GRID1: variants seen among roughly 807,000 people sequenced by gnomAD.
GRID1 encodes glutamate ionotropic receptor delta type subunit 1, also known as glutamate receptor ionotropic, delta-1.
GRID1 carries 28 observed loss-of-function variants against 98.0 expected under a neutral mutation model. The observed-to-expected ratio is 0.29, with a 90% confidence interval of 0.21 to 0.39. The LOEUF is 0.39. GRID1 is among the 10% of genes least tolerant of loss of function. The probability of loss-of-function intolerance (pLI) is 1.00; values close to 1 mark genes in which losing one functional copy is unlikely to be tolerated. For missense variants in GRID1, 1,111 were observed against 1,340.5 expected (o/e 0.83, Z 2.67); for synonymous variants, 553 against 538.5 (o/e 1.03, Z -0.37).
chr10:85,677,808 C>T (rs185884539), intron 12 of GRID1, among the ~76,000 whole-genome samples: 3 of 152,084 alleles, frequency 2.0e-5, no homozygotes, highest in South Asian at 2.1e-4. Context: ...AGAATATTCA[C>T]GGAAGTGAGA....
rs142180125 is a variant in GRID1, at chr10:86,030,555, C to T, written c.726+108264G>A. On this transcript the variant is annotated intron_variant, in intron 4 of 15. Transcript: ENST00000327946. ...GCATGGGCATGCCTTCTTCCAGGGACCCTTAGATCAACCCCAGGAGGAGCC... is the reference window on the plus strand; with the variant it reads ...GCATGGGCATGCCTTCTTCCAGGGATCCTTAGATCAACCCCAGGAGGAGCC... Among the ~76,000 whole-genome samples, 33 of 152,302 alleles carry T rather than the reference C, an allele frequency of 2.2e-4. No homozygotes were observed. The East Asian group carries it at 6.2e-3, about 29-fold the overall frequency.
chr10:85,640,483 A>G (rs778278628), intron 13 of GRID1, among the ~76,000 whole-genome samples: 11 of 152,204 alleles, frequency 7.2e-5, no homozygotes, highest in African/African-American at 7.2e-5. Flanking sequence ...TAGCATCCCA[A>G]AAGTGCACAG....
At chr10:86,309,513 C>T (rs928757847) in intron 2 of GRID1, among the ~76,000 whole-genome samples, 9 of 152,154 alleles carry the variant, frequency 5.9e-5, no homozygotes, top group East Asian at 1.9e-4. Flanking sequence ...TTGTGGCTCC[C>T]GCAGGCATTG....
At chr10:86,144,254 C>T (rs1433543047) in intron 3 of GRID1, among the ~76,000 whole-genome samples, 3 of 152,082 alleles carry the variant, frequency 2.0e-5, no homozygotes, top group African/African-American at 4.8e-5. Context: ...ATAGGAAAGA[C>T]CCTGCCTCGG....
At chr10:85,954,568 G>A (rs1842165899) in intron 4 of GRID1, among the ~76,000 whole-genome samples, 1 of 152,168 alleles carries the variant, frequency 6.6e-6, no homozygotes, top group South Asian at 2.1e-4. Flanking sequence ...GCCAAAGATA[G>A]ATGGCCCTTG....
intron 4 of GRID1, among the ~76,000 whole-genome samples, chr10:86,091,026 A>G (rs546135175): frequency 6.6e-6 from 1 of 152,332 alleles, no homozygotes; most frequent in African/African-American, 2.4e-5. Flanking sequence ...TCCTGGAACC[A>G]CAGGGATCCA....
At chr10:86,104,337 G>A (rs2131947083) in intron 4 of GRID1, among the ~76,000 whole-genome samples, 1 of 152,328 alleles carries the variant, frequency 6.6e-6, no homozygotes, top group Non-Finnish European at 1.5e-5. Flanking sequence ...AGCAGGTGCA[G>A]GGGTGGCCAG....
intron 12 of GRID1, among the ~76,000 whole-genome samples, chr10:85,675,596 G>T (rs143324800): frequency 6.6e-6 from 1 of 152,192 alleles, no homozygotes; most frequent in African/African-American, 2.4e-5. Flanking sequence ...GTGTTCATGT[G>T]GTGGAAAATG....
chr10:86,027,008 G>A (rs1316646518), intron 4 of GRID1, among the ~76,000 whole-genome samples: 1 of 152,260 alleles, frequency 6.6e-6, no homozygotes, highest in Non-Finnish European at 1.5e-5. Context: ...GGGGCCATGG[G>A]AGGCAGGACA....
chr10:85,834,713 G>T (rs1842897557), intron 8 of GRID1, among the ~76,000 whole-genome samples: 1 of 152,038 alleles, frequency 6.6e-6, no homozygotes, highest in South Asian at 2.1e-4. Flanking sequence ...CCAATAAACT[G>T]ATAAGTCACA....
At chr10:86,098,631 T>G (rs111717830) in intron 4 of GRID1, among the ~76,000 whole-genome samples, 7 of 152,232 alleles carry the variant, frequency 4.6e-5, no homozygotes, top group Non-Finnish European at 7.3e-5. Context: ...CCAGAACATC[T>G]CCACCAGGTT....
At chr10:85,874,844 G>A (rs1183377194) in intron 5 of GRID1, among the ~76,000 whole-genome samples, 1 of 151,814 alleles carries the variant, frequency 6.6e-6, no homozygotes, top group Non-Finnish European at 1.5e-5. Flanking sequence ...TATATTTTGG[G>A]GTTATGTTAT....
At chr10:86,007,681 C>T (rs539815220) in intron 4 of GRID1, among the ~76,000 whole-genome samples, 1 of 152,240 alleles carries the variant, frequency 6.6e-6, no homozygotes, top group East Asian at 1.9e-4. Flanking sequence ...CCCCTAAGAG[C>T]TTGTCTGGTA....
At chr10:85,908,486 T>A (rs944524507) in intron 5 of GRID1, among the ~76,000 whole-genome samples, 3 of 152,186 alleles carry the variant, frequency 2.0e-5, no homozygotes, top group Non-Finnish European at 2.9e-5. Flanking sequence ...CACAAAAATA[T>A]GTGAAAAATC....
At chr10:86,110,225 CGG>C (rs2131951384) in intron 4 of GRID1, among the ~76,000 whole-genome samples, 1 of 152,256 alleles carries the variant, frequency 6.6e-6, no homozygotes, top group East Asian at 1.9e-4. Context: ...CCACCTGCCT[CGG>C]CCTCCCAAAG....
chr10:86,308,659 G>A (rs1847792215), intron 2 of GRID1, among the ~76,000 whole-genome samples: 1 of 152,144 alleles, frequency 6.6e-6, no homozygotes, highest in Admixed American at 6.5e-5. Context: ...GAATGCTCGA[G>A]ACTGGGTAAT....
chr10:86,004,090 CA>C (rs35287172), intron 4 of GRID1, among the ~76,000 whole-genome samples: 10,313 of 152,238 alleles, frequency 0.068, 419 homozygotes, highest in Non-Finnish European at 0.097. Flanking sequence ...TATTTACCCT[CA>C]TTTCCCAATG....
intron 12 of GRID1, among the ~76,000 whole-genome samples, chr10:85,701,190 T>C (rs895533617): frequency 1.3e-5 from 2 of 152,116 alleles, no homozygotes; most frequent in African/African-American, 2.4e-5. Context: ...TCTTCTCACT[T>C]TGAAAATGCA....
intron 3 of GRID1, among the ~76,000 whole-genome samples, chr10:86,165,179 C>A (rs1344674594): frequency 6.6e-6 from 1 of 152,164 alleles, no homozygotes; most frequent in Non-Finnish European, 1.5e-5. Context: ...TGGAGGGATA[C>A]TCGCAGTGCA....
Sources: gnomAD v4.1 joint callset for allele counts (sites outside exome capture counted in the v4.1 genomes callset) on GRCh38, gnomAD v4.1.1 for gene constraint, MANE v1.5 for transcripts, NCBI Gene and HGNC (gene_info 2026-07-23, HGNC 2026-07-21) for gene names.